Variants in AHDC1 observed in about 807,000 individuals in gnomAD.
AHDC1 encodes the protein AT-hook DNA binding motif containing 1, also known as transcription factor Gibbin.
Under a neutral mutation model 87.9 loss-of-function variants are expected in AHDC1, and 7 were observed. That is an observed-to-expected ratio of 0.08 (90% CI 0.05 to 0.15). The LOEUF (loss-of-function observed/expected upper bound fraction) is 0.15, where lower values mean the gene tolerates loss of function less well. Among genes scored for constraint, AHDC1 ranks in the 10% least tolerant of loss-of-function variants. The pLI is 1.00. For synonymous variants in AHDC1, 1,051 were observed against 1,006.8 expected (o/e 1.04, Z -0.83); for missense variants, 1,841 against 2,253.2 (o/e 0.82, Z 3.70).
Position 27,581,555 on chromosome 1 carries a change from G to A in AHDC1, c.-629+21842C>T, listed in dbSNP as rs141832230. Among the ~76,000 whole-genome samples the A allele has an allele frequency of 2.0e-3, 304 of 152,202 alleles. 3 individuals carry two copies. The highest frequency in any genetic ancestry group is 7.1e-3 in the African/African-American group (293 of 41,528). ...CAGAACCCAGGGGTATCCTCTCCCA[G>A]GCCCTACTCCTTCCTCCAGTCCAAG... On this transcript the variant is annotated intron_variant, in intron 3 of 8. Transcript: ENST00000673934.
Position 27,547,034 on chromosome 1 carries a change from C to T in AHDC1, c.*43+227G>A, listed in dbSNP as rs1012752806. ...GCCATTTCAATTCACAAGACCCCCCCGAACGTTCAAGCCCCCTGCTGAGTT... is the reference window on the plus strand; with the variant it reads ...GCCATTTCAATTCACAAGACCCCCCTGAACGTTCAAGCCCCCTGCTGAGTT... On this transcript the variant is annotated intron_variant, in intron 8 of 8. Coordinates refer to ENST00000673934, the MANE Select transcript of AHDC1 (RefSeq NM_001371928.1). This position sits in a 1 kb window ranked among gnomAD's most constrained non-coding sequence, Gnocchi z 4.9. Among the ~76,000 whole-genome samples the T allele has an allele frequency of 6.6e-6, 1 of 151,892 alleles. No individual in the cohort carries two copies. Among genetic ancestry groups the T allele is most frequent in the African/African-American group, 2.4e-5 (1 of 41,308 alleles).
chr1:27,585,564 G>T (rs2089029739), intron 3 of AHDC1, among the ~76,000 whole-genome samples: 1 of 152,150 alleles, frequency 6.6e-6, no homozygotes, highest in Admixed American at 6.5e-5. Context: ...CCTGTGGTAG[G>T]GTACAGAGCT....
At position 27,562,364 on chromosome 1, in the gene AHDC1, G is replaced by A. The variant is rs561841255; in HGVS notation, c.-628-3481C>T. On this transcript the variant is annotated intron_variant, in intron 3 of 8. Transcript: ENST00000673934. This position sits in a 1 kb window ranked among gnomAD's most constrained non-coding sequence, Gnocchi z 4.4. ...CTGACTACCTGAGCTCCCGGCCCGC[G>A]CAGAGCTGCCCCGATTAATCCTGTG... is the stretch of plus-strand genomic sequence containing the variant. Among the ~76,000 whole-genome samples the A allele has an allele frequency of 6.6e-6, 1 of 152,248 alleles. No individual in the cohort carries two copies. Among genetic ancestry groups the A allele is most frequent in the East Asian group, 1.9e-4 (1 of 5,178 alleles).
rs147609656 is a variant in AHDC1, at chr1:27,560,377, C to T, written c.-628-1494G>A. Among the ~76,000 whole-genome samples the T allele has an allele frequency of 0.01, 1,595 of 152,150 alleles. 21 individuals carry two copies. Among genetic ancestry groups the T allele is most frequent in the African/African-American group, 0.036 (1,483 of 41,480 alleles). ...CATCTCGCTGTGTCAGGAGCCAAACCGGCTCCTGCCTGTCTCAGAGCTCTC... is the reference window on the plus strand; with the variant it reads ...CATCTCGCTGTGTCAGGAGCCAAACTGGCTCCTGCCTGTCTCAGAGCTCTC... On this transcript the variant is annotated intron_variant, in intron 3 of 8. Coordinates refer to ENST00000673934, the MANE Select transcript of AHDC1 (RefSeq NM_001371928.1). The surrounding 1 kb of genome is among the most constrained non-coding windows in gnomAD (Gnocchi z 4.1).
At chr1:27,543,636 C>A (rs1368204665) in intron 8 of AHDC1, among the ~76,000 whole-genome samples, 2 of 152,304 alleles carry the variant, frequency 1.3e-5, no homozygotes, top group African/African-American at 4.8e-5. Context: ...TTTAAGATGT[C>A]AGACCCAGCA....
intron 5 of AHDC1, among the ~76,000 whole-genome samples, chr1:27,556,005 C>T (rs1343428490): frequency 6.6e-6 from 1 of 152,194 alleles, no homozygotes; most frequent in Non-Finnish European, 1.5e-5. Context: ...TACCACCTAG[C>T]CCTGGTCTGT....
intron 3 of AHDC1, among the ~76,000 whole-genome samples, chr1:27,569,937 G>A (rs1469813273): frequency 6.6e-6 from 1 of 152,072 alleles, no homozygotes; most frequent in Admixed American, 6.5e-5. Context: ...GTCTGGCTAG[G>A]GAGAAGGATC....
At chr1:27,546,134 G>A (rs1303049887) in intron 8 of AHDC1, among the ~76,000 whole-genome samples, 1 of 152,186 alleles carries the variant, frequency 6.6e-6, no homozygotes, top group East Asian at 1.9e-4. Flanking sequence ...AGTGGCAGCA[G>A]AGGTGAAGGG....
rs2089292807 is a variant in AHDC1, at chr1:27,593,810, CTGAATTT to C, written c.-629+9580_-629+9586del. Among the ~76,000 whole-genome samples, 1 of 152,214 alleles carries C rather than the reference CTGAATTT, an allele frequency of 6.6e-6. No individual in the cohort carries two copies. Among genetic ancestry groups the C allele is most frequent in the Non-Finnish European group, 1.5e-5 (1 of 68,032 alleles). ...AAGAGGCAGGCAGGAGATCGATTCA[CTGAATTT>C]TTTAAGGCCCTAATGGAGCCTGCAT... is the stretch of plus-strand genomic sequence containing the variant. On this transcript the variant is annotated intron_variant, in intron 3 of 8. Transcript: ENST00000673934. The surrounding 1 kb of genome is among the most constrained non-coding windows in gnomAD (Gnocchi z 4.9).
At position 27,550,075 on chromosome 1, in the gene AHDC1, C is replaced by T; in HGVS notation, c.2041G>A (p.Gly681Ser). The T allele has an allele frequency of 6.2e-7, 1 of 1,608,246 alleles. No individual in the cohort carries two copies. Among genetic ancestry groups the T allele is most frequent in the Non-Finnish European group, 8.5e-7 (1 of 1,177,348 alleles). The change falls in exon 8 of 9, where the codon GGC (glycine) becomes AGC (serine). Residue 681 changes from glycine (G) to serine (S), a missense_variant. Transcript: ENST00000673934. Reference protein sequence around the residue: ...KAGGFGGRGGGHAAKSARCSF... With the variant: ...KAGGFGGRGGSHAAKSARCSF... Reference sequence around the variant, plus strand: ...CATCGGGCTGACTTGGCCGCATGGCCCCCACCCCGGCCACCAAAACCGCCT... The same window carrying T: ...CATCGGGCTGACTTGGCCGCATGGCTCCCACCCCGGCCACCAAAACCGCCT...
Position 27,535,769 on chromosome 1 carries a change from TG to T in AHDC1, c.*44-854del, listed in dbSNP as rs796976874. ...CCTCCCATCGCCAGACACTCGAGAT[TG>T]GAAGTACCCCTTTTTCCCAGACAGT... On this transcript the variant is annotated intron_variant, in intron 8 of 8. Coordinates refer to ENST00000673934, the MANE Select transcript of AHDC1 (RefSeq NM_001371928.1). Among the ~76,000 whole-genome samples, 143 of 152,160 alleles carry T rather than the reference TG, an allele frequency of 9.4e-4. 1 individual carries two copies. Among genetic ancestry groups the T allele is most frequent in the African/African-American group, 3.3e-3 (135 of 41,490 alleles).
In AHDC1 at chr1:27,561,631, TG is replaced by T. The variant is rs200535362; in HGVS notation, c.-628-2749del. Among the ~76,000 whole-genome samples, 1 of 150,484 alleles carries T rather than the reference TG, an allele frequency of 6.6e-6. No individual in the cohort carries two copies. Among genetic ancestry groups the T allele is most frequent in the Admixed American group, 6.6e-5 (1 of 15,094 alleles). ...GCCTCCTTGTTCAGGGGGTGTTGGC[TG>T]GGGGAGATTTGTTCTGGTTGCAGAC... On this transcript the variant is annotated intron_variant, in intron 3 of 8. Coordinates refer to ENST00000673934, the MANE Select transcript of AHDC1 (RefSeq NM_001371928.1). This position sits in a 1 kb window ranked among gnomAD's most constrained non-coding sequence, Gnocchi z 4.2.
At chr1:27,592,778 T>C (rs1333285783) in intron 3 of AHDC1, among the ~76,000 whole-genome samples, 2 of 152,098 alleles carry the variant, frequency 1.3e-5, no homozygotes, top group African/African-American at 2.4e-5. Flanking sequence ...CTAGCCTGGA[T>C]TGGCTGAGCC....
At chr1:27,568,692 T>C (rs1231744397) in intron 3 of AHDC1, among the ~76,000 whole-genome samples, 2 of 151,444 alleles carry the variant, frequency 1.3e-5, no homozygotes. Flanking sequence ...CCCGGACCCT[T>C]TCCCCCGGCC....
chr1:27,553,774 A>C (rs958242855), intron 5 of AHDC1, among the ~76,000 whole-genome samples: 6 of 152,176 alleles, frequency 3.9e-5, no homozygotes, highest in Non-Finnish European at 7.3e-5. Context: ...TTAAAAAAAA[A>C]CAGCTGTTTG....
chr1:27,543,491 T>A (rs1249800604), intron 8 of AHDC1, among the ~76,000 whole-genome samples: 1 of 152,206 alleles, frequency 6.6e-6, no homozygotes, highest in Non-Finnish European at 1.5e-5. Context: ...CTAATCCACA[T>A]TGGGATGTGA....
chr1:27,595,626 G>A lies in AHDC1; in HGVS notation c.-629+7771C>T, dbSNP rs971327632. 7.2e-5 allele frequency among the ~76,000 whole-genome samples: 11 copies of A among 151,930 alleles called. No individual in the cohort carries two copies. The highest frequency in any genetic ancestry group is 2.7e-4 in the African/African-American group (11 of 41,294). On this transcript the variant is annotated intron_variant, in intron 3 of 8. Coordinates refer to ENST00000673934, the MANE Select transcript of AHDC1 (RefSeq NM_001371928.1). The surrounding 1 kb of genome is among the most constrained non-coding windows in gnomAD (Gnocchi z 4.0). ...GGGGAGGAGCTGGGGAGTGTCTCTG[G>A]AAAGGTTATTGGGATTTTAATTGGG...
chr1:27,552,384 C>A, intron 7 of AHDC1, 195 bp from the exon 8 acceptor site: 1 of 415,814 alleles, frequency 2.4e-6, no homozygotes, highest in Non-Finnish European at 4.1e-6. Context: ...GTGAGCCCCT[C>A]ATGGGCCCAG....
At position 27,543,816 on chromosome 1, in the gene AHDC1, G is replaced by A. The variant is rs371920126; in HGVS notation, c.*43+3445C>T. ...AAAAGTTAGCTGGGCACAGTGGTGC[G>A]CCCCTGTAATCCCAGCTACAGGAAG... On this transcript the variant is annotated intron_variant, in intron 8 of 8. Transcript: ENST00000673934. Among the ~76,000 whole-genome samples the A allele has an allele frequency of 2.0e-4, 30 of 152,174 alleles. No individual in the cohort carries two copies. In the South Asian group the frequency reaches 5.6e-3, roughly 28 times the overall value.
Sources: gnomAD v4.1 joint callset for allele counts (sites outside exome capture counted in the v4.1 genomes callset) on GRCh38, gnomAD v4.1.1 for gene constraint, Gnocchi (gnomAD v3.1) non-coding constraint, MANE v1.5 for transcripts, NCBI Gene and HGNC (gene_info 2026-07-23, HGNC 2026-07-21) for gene names.